KCNH1: variants seen among roughly 807,000 people sequenced by gnomAD.
The protein encoded by KCNH1 is potassium voltage-gated channel subfamily H member 1.
Under a neutral mutation model 69.2 loss-of-function variants are expected in KCNH1, and 27 were observed. The observed-to-expected ratio is 0.39, with a 90% CI of 0.29 to 0.54. The LOEUF (loss-of-function observed/expected upper bound fraction) is 0.54, where lower values mean the gene tolerates loss of function less well. Among genes scored for constraint, KCNH1 ranks in the 20% least tolerant of loss-of-function variants. The pLI, the probability that KCNH1 is intolerant of heterozygous loss-of-function variation, is 0.68. For synonymous variants in KCNH1, 456 were observed against 487.7 expected (o/e 0.93, Z 0.86); for missense variants, 798 against 1,261.6 (o/e 0.63, Z 5.57).
intron 10 of KCNH1, among the ~76,000 whole-genome samples, chr1:210,704,046 T>TAAGA (rs1681844892): frequency 6.6e-6 from 1 of 151,978 alleles, no homozygotes; most frequent in African/African-American, 2.4e-5. Context: ...GCTGTTAGTG[T>TAAGA]AAGAAAACAA....
At chr1:210,888,698 A>G (rs1192464268) in intron 7 of KCNH1, among the ~76,000 whole-genome samples, 1 of 152,176 alleles carries the variant, frequency 6.6e-6, no homozygotes, top group Non-Finnish European at 1.5e-5. Context: ...AATCAAATAG[A>G]CACAATAAAA....
rs186496260 is a variant in KCNH1, at chr1:210,794,200, C to T, written c.1915+3308G>A. 2.6e-5 allele frequency among the ~76,000 whole-genome samples: 4 copies of T among 152,314 alleles called. No individual in the cohort carries two copies. In the East Asian group the frequency reaches 5.8e-4, roughly 22 times the overall value. ...AGCAAACAGCTTAGAATCACTTATG[C>T]CTCTTTGTCCAGAGCTCAGGTTGAT... On this transcript the variant is annotated intron_variant, in intron 9 of 10. Coordinates refer to ENST00000271751, the MANE Select transcript of KCNH1 (RefSeq NM_172362.3).
At chr1:211,003,545 A>G (rs946560874) in intron 6 of KCNH1, among the ~76,000 whole-genome samples, 1 of 152,112 alleles carries the variant, frequency 6.6e-6, no homozygotes, top group African/African-American at 2.4e-5. Flanking sequence ...CTGTTTCGTT[A>G]TATCTTACCC....
intron 5 of KCNH1, among the ~76,000 whole-genome samples, chr1:211,053,251 T>C (rs926788239): frequency 6.6e-6 from 1 of 152,212 alleles, no homozygotes; most frequent in East Asian, 1.9e-4. Context: ...CATAAGAGCA[T>C]GAGTGTTTAA....
Position 210,920,074 on chromosome 1 carries a change from G to T in KCNH1, c.1033-5C>A. 1 of 1,610,146 alleles carries T rather than the reference G, an allele frequency of 6.2e-7. No individual in the cohort carries two copies. The highest frequency in any genetic ancestry group is 1.1e-5 in the South Asian group (1 of 91,046). On this transcript the variant is annotated splice_region_variant and splice_polypyrimidine_tract_variant and intron_variant, in intron 6 of 10. Transcript: ENST00000271751. ...GCTGAACAGGCTGCTGATGCCCTGG[G>T]AGAAGAGGAACACAGCGTCAGGGCC...
intron 5 of KCNH1, among the ~76,000 whole-genome samples, chr1:211,063,202 G>A (rs544254675): frequency 5.7e-4 from 86 of 152,194 alleles, no homozygotes; most frequent in African/African-American, 1.9e-3. Context: ...TAAGTCAAGC[G>A]CAGAAAGATA....
At chr1:210,890,652 AACGGATAATACCC>A (rs776510122) in intron 7 of KCNH1, among the ~76,000 whole-genome samples, 19 of 152,176 alleles carry the variant, frequency 1.2e-4, no homozygotes, top group Non-Finnish European at 2.4e-4. Context: ...CCATCTGACA[AACGGATAATACCC>A]AGGATCTACA....
At chr1:210,698,926 G>A (rs1008261734) in intron 10 of KCNH1, among the ~76,000 whole-genome samples, 19 of 152,332 alleles carry the variant, frequency 1.2e-4, no homozygotes, top group African/African-American at 4.6e-4. Context: ...GATACTAGGA[G>A]TAGAGAACGG....
chr1:210,931,057 C>T (rs1489922858), intron 6 of KCNH1, among the ~76,000 whole-genome samples: 1 of 152,128 alleles, frequency 6.6e-6, no homozygotes, highest in African/African-American at 2.4e-5. Context: ...CACTTTTACA[C>T]TGTTGGTGAG....
intron 10 of KCNH1, among the ~76,000 whole-genome samples, chr1:210,743,074 G>A (rs1683073755): frequency 6.6e-6 from 1 of 152,174 alleles, no homozygotes; most frequent in Non-Finnish European, 1.5e-5. Flanking sequence ...AATTAAACAG[G>A]CTACTTCACA....
chr1:211,090,434 T>C (rs1159539187), intron 4 of KCNH1, 128 bp downstream of exon 4: 6 of 791,964 alleles, frequency 7.6e-6, no homozygotes, highest in East Asian at 2.8e-5. Flanking sequence ...CTTTGCTCTA[T>C]ACAAATTAAA....
At position 210,795,962 on chromosome 1, in the gene KCNH1, AACACAC is replaced by A. The variant is rs369505764; in HGVS notation, c.1915+1540_1915+1545del. 4.3e-3 allele frequency among the ~76,000 whole-genome samples: 584 copies of A among 136,090 alleles called. 6 individuals are homozygous for A. The highest frequency in any genetic ancestry group is 0.012 in the African/African-American group (418 of 36,268). 89.3% of individuals were successfully genotyped at this position (136,090 alleles called of 152,430 possible). On this transcript the variant is annotated intron_variant, in intron 9 of 10. Transcript: ENST00000271751. ...ATGGTGAAACCCCATCTCTACTAAA[AACACAC>A]ACACACACACACACACACACACACA...
chr1:210,712,238 T>C (rs1428107161), intron 10 of KCNH1, among the ~76,000 whole-genome samples: 1 of 152,216 alleles, frequency 6.6e-6, no homozygotes, highest in South Asian at 2.1e-4. Flanking sequence ...GATATTTGCC[T>C]TTCCTTAAAA....
At position 210,922,383 on chromosome 1, in the gene KCNH1, C is replaced by CAAAA. The variant is rs758026291; in HGVS notation, c.1033-2318_1033-2315dup. 5.0e-4 allele frequency among the ~76,000 whole-genome samples: 49 copies of CAAAA among 98,308 alleles called. 4 individuals are homozygous for CAAAA. In the East Asian group the frequency reaches 0.014, roughly 28 times the overall value. The allele number at this position is 98,308 out of a possible 152,430, so 64.5% of individuals were successfully genotyped here. ...TGGGCAACAGAGCGAGACTCCGTCT[C>CAAAA]AAAAAAAAAAAAAAAAAAAAAAAAA... On this transcript the variant is annotated intron_variant, in intron 6 of 10. Coordinates refer to ENST00000271751, the MANE Select transcript of KCNH1 (RefSeq NM_172362.3).
chr1:210,858,877 CCA>C (rs1480096833), intron 7 of KCNH1: 2 of 265,908 alleles, frequency 7.5e-6, no homozygotes, highest in African/African-American at 2.2e-5. Flanking sequence ...TTTCAGATTT[CCA>C]CAGTGTCACT....
chr1:211,033,552 G>A (rs1323459380), intron 5 of KCNH1, among the ~76,000 whole-genome samples: 3 of 152,076 alleles, frequency 2.0e-5, no homozygotes, highest in Non-Finnish European at 4.4e-5. Flanking sequence ...AAGAAAATGT[G>A]GCACATATAC....
chr1:210,915,783 G>C (rs185620453), intron 7 of KCNH1, among the ~76,000 whole-genome samples: 1 of 152,264 alleles, frequency 6.6e-6, no homozygotes, highest in Non-Finnish European at 1.5e-5. Flanking sequence ...TCATCCTCTG[G>C]GGATTTAGCC....
chr1:210,998,429 T>C (rs7543777), intron 6 of KCNH1, among the ~76,000 whole-genome samples: 105,961 of 152,060 alleles, frequency 0.7, 37,571 homozygotes, highest in African/African-American at 0.83. Flanking sequence ...CATTACATAA[T>C]GGTAAAGGGA....
chr1:210,749,500 G>C (rs1461464417), intron 10 of KCNH1, among the ~76,000 whole-genome samples: 1 of 152,146 alleles, frequency 6.6e-6, no homozygotes, highest in Non-Finnish European at 1.5e-5. Context: ...TGTTCAATCA[G>C]CAACACAGCA....
Sources: gnomAD v4.1 joint callset for allele counts (sites outside exome capture counted in the v4.1 genomes callset) on GRCh38, gnomAD v4.1.1 for gene constraint, MANE v1.5 for transcripts, NCBI Gene and HGNC (gene_info 2026-07-23, HGNC 2026-07-21) for gene names.